The following PPM1H variants were observed in gnomAD, a reference collection of about 807,000 sequenced individuals.
PPM1H encodes protein phosphatase, Mg2+/Mn2+ dependent 1H.
Under a neutral mutation model 54.9 loss-of-function variants are expected in PPM1H, and 27 were observed. The ratio of observed to expected loss-of-function variants is 0.49; its 90% CI spans 0.36 to 0.68. The LOEUF is 0.68. Among genes scored for constraint, PPM1H ranks in the 30% least tolerant of loss-of-function variants. PPM1H has a pLI of 0.00. For synonymous variants in PPM1H, 305 were observed against 270.8 expected (o/e 1.13, Z -1.24); for missense variants, 596 against 667.8 (o/e 0.89, Z 1.19).
At chr12:62,699,131 A>G (rs532417747) in intron 6 of PPM1H, among the ~76,000 whole-genome samples, 22 of 152,250 alleles carry the variant, frequency 1.4e-4, no homozygotes, top group Middle Eastern at 3.2e-3. Flanking sequence ...CAAAAACATC[A>G]AATTCAGCAG....
intron 9 of PPM1H, among the ~76,000 whole-genome samples, chr12:62,658,306 C>G (rs2075859277): frequency 6.7e-6 from 1 of 149,702 alleles, no homozygotes; most frequent in South Asian, 2.1e-4. Context: ...AATGTGAATC[C>G]ATGTGCATTT....
chr12:62,747,695 T>G (rs2076420800), intron 4 of PPM1H, among the ~76,000 whole-genome samples: 1 of 152,192 alleles, frequency 6.6e-6, no homozygotes, highest in South Asian at 2.1e-4. Context: ...TTCTGCCCTC[T>G]CAAGGTAAAA....
chr12:62,718,401 G>A (rs2076246854), intron 6 of PPM1H, among the ~76,000 whole-genome samples: 1 of 152,038 alleles, frequency 6.6e-6, no homozygotes, highest in African/African-American at 2.4e-5. Flanking sequence ...TTCTCTCCTA[G>A]TCAATCTCAT....
intron 1 of PPM1H, among the ~76,000 whole-genome samples, chr12:62,922,808 C>A (rs780083262): frequency 1.1e-4 from 17 of 152,174 alleles, no homozygotes; most frequent in Non-Finnish European, 1.9e-4. Context: ...ACAGTGATGT[C>A]TTGATTCATC....
chr12:62,699,526 G>A (rs998347596), intron 6 of PPM1H, among the ~76,000 whole-genome samples: 47 of 152,214 alleles, frequency 3.1e-4, no homozygotes, highest in Admixed American at 2.6e-3. Context: ...AAAACAGATG[G>A]TATAAAGCTC....
At chr12:62,869,037 A>G (rs1160453975) in intron 1 of PPM1H, among the ~76,000 whole-genome samples, 1 of 152,222 alleles carries the variant, frequency 6.6e-6, no homozygotes, top group African/African-American at 2.4e-5. Flanking sequence ...AAGTACACAC[A>G]GTCACACAGA....
chr12:62,924,036 T>C (rs1474423503), intron 1 of PPM1H, among the ~76,000 whole-genome samples: 2 of 152,234 alleles, frequency 1.3e-5, no homozygotes, highest in Non-Finnish European at 2.9e-5. Flanking sequence ...GAAACACTGG[T>C]GATGGTAGAT....
intron 3 of PPM1H, 65 bp from the exon 4 acceptor site, chr12:62,788,403 C>A: frequency 1.9e-6 from 2 of 1,035,998 alleles, no homozygotes; most frequent in African/African-American, 3.2e-5. Flanking sequence ...TTCTCACTTT[C>A]ATTCTCTTGA....
intron 1 of PPM1H, among the ~76,000 whole-genome samples, chr12:62,848,998 G>T (rs1869078240): frequency 1.3e-5 from 2 of 152,180 alleles, no homozygotes; most frequent in Non-Finnish European, 2.9e-5. Flanking sequence ...CAGGGGAAGG[G>T]AGTGGGAATA....
chr12:62,692,162 C>G (rs952903652), intron 7 of PPM1H, among the ~76,000 whole-genome samples: 3 of 152,102 alleles, frequency 2.0e-5, no homozygotes, highest in Admixed American at 6.6e-5. Context: ...AAATCCCAGT[C>G]CAGGATCTAG....
intron 4 of PPM1H, among the ~76,000 whole-genome samples, chr12:62,775,618 TAC>T (rs58622527): frequency 6.6e-6 from 1 of 151,826 alleles, no homozygotes; most frequent in Admixed American, 6.6e-5. Context: ...AATGAGTGTG[TAC>T]ACACACACAC....
intron 3 of PPM1H, among the ~76,000 whole-genome samples, chr12:62,792,006 A>T (rs1391386769): frequency 6.6e-6 from 1 of 152,236 alleles, no homozygotes; most frequent in Non-Finnish European, 1.5e-5. Context: ...GATAGACTTG[A>T]TCAAACCACT....
Position 62,678,225 on chromosome 12 carries a change from G to T in PPM1H, c.1246-10896C>A, listed in dbSNP as rs1379726036. On this transcript the variant is annotated intron_variant, in intron 8 of 9. Coordinates refer to ENST00000228705, the MANE Select transcript of PPM1H (RefSeq NM_020700.2). ...GTCTCCCAAAGTGCTAGAATTACAG[G>T]CATGAGTCACCATGCCCAGGATTTG... Among the ~76,000 whole-genome samples the T allele has an allele frequency of 2.6e-5, 4 of 152,174 alleles. No individual in the cohort carries two copies. In the East Asian group the frequency reaches 7.7e-4, roughly 29 times the overall value.
At chr12:62,796,977 T>C (rs2076737971) in intron 3 of PPM1H, among the ~76,000 whole-genome samples, 1 of 152,156 alleles carries the variant, frequency 6.6e-6, no homozygotes, top group Admixed American at 6.5e-5. Flanking sequence ...ACCAGTCATC[T>C]CATTAGGATA....
rs537238963 is a variant in PPM1H, at chr12:62,803,242, C to T, written c.412-1082G>A. ...CATGCAACCCGTGTTCCCTCATCTACGTTGGGTTTAGTGGCTGCTGGTGGA... is the reference window on the plus strand; with the variant it reads ...CATGCAACCCGTGTTCCCTCATCTATGTTGGGTTTAGTGGCTGCTGGTGGA... On this transcript the variant is annotated intron_variant, in intron 2 of 9. Transcript: ENST00000228705. Among the ~76,000 whole-genome samples the T allele has an allele frequency of 2.5e-4, 38 of 152,256 alleles. 1 individual carries two copies. In the South Asian group the frequency reaches 6.0e-3, roughly 24 times the overall value.
At chr12:62,872,615 G>A (rs1283648656) in intron 1 of PPM1H, among the ~76,000 whole-genome samples, 1 of 152,182 alleles carries the variant, frequency 6.6e-6, no homozygotes, top group Non-Finnish European at 1.5e-5. Flanking sequence ...TGTGTTGAAA[G>A]AATAATTATA....
chr12:62,927,002 CTA>C (rs1489587199), intron 1 of PPM1H, among the ~76,000 whole-genome samples: 3 of 152,286 alleles, frequency 2.0e-5, no homozygotes, highest in South Asian at 2.1e-4. Context: ...TAATAAATAT[CTA>C]TAACATATAA....
At chr12:62,905,580 G>C (rs777436853) in intron 1 of PPM1H, among the ~76,000 whole-genome samples, 1 of 152,136 alleles carries the variant, frequency 6.6e-6, no homozygotes, top group African/African-American at 2.4e-5. Flanking sequence ...AAGAGTGCTA[G>C]GTGTTTTGTT....
intron 2 of PPM1H, among the ~76,000 whole-genome samples, chr12:62,816,366 A>C (rs557518779): frequency 1.2e-3 from 182 of 152,368 alleles, no homozygotes; most frequent in African/African-American, 4.1e-3. Context: ...TTGAGCACGG[A>C]CGTGACATCA....
Sources: gnomAD v4.1 joint callset for allele counts (sites outside exome capture counted in the v4.1 genomes callset) on GRCh38, gnomAD v4.1.1 for gene constraint, MANE v1.5 for transcripts, NCBI Gene and HGNC (gene_info 2026-07-23, HGNC 2026-07-21) for gene names.